Variants in DOCK4 observed in about 807,000 individuals in gnomAD.
The protein encoded by DOCK4 is dedicator of cytokinesis 4.
In DOCK4, 97 loss-of-function variants were observed where a neutral mutation model predicts 268.1. The ratio of observed to expected loss-of-function variants is 0.36; its 90% CI spans 0.31 to 0.43. The LOEUF (loss-of-function observed/expected upper bound fraction) is 0.43. Among genes scored for constraint, DOCK4 ranks in the 20% least tolerant of loss-of-function variants. The pLI, the probability that DOCK4 is intolerant of heterozygous loss-of-function variation, is 1.00. For missense variants in DOCK4, 2,145 were observed against 2,455.7 expected (o/e 0.87, Z 2.67); for synonymous variants, 954 against 887.2 (o/e 1.08, Z -1.34).
At chr7:112,066,884 C>T (rs1807115414) in intron 1 of DOCK4, among the ~76,000 whole-genome samples, 1 of 150,762 alleles carries the variant, frequency 6.6e-6, no homozygotes, top group Admixed American at 6.6e-5. Context: ...GTGGCTCATG[C>T]CTGTAATCCC....
chr7:112,043,512 T>A (rs1406943690), intron 1 of DOCK4, among the ~76,000 whole-genome samples: 1 of 152,034 alleles, frequency 6.6e-6, no homozygotes, highest in Non-Finnish European at 1.5e-5. Flanking sequence ...TAAAAAGACA[T>A]CCATAAAGCT....
intron 1 of DOCK4, among the ~76,000 whole-genome samples, chr7:112,015,463 C>T (rs1801735094): frequency 6.6e-6 from 1 of 152,194 alleles, no homozygotes; most frequent in African/African-American, 2.4e-5. Flanking sequence ...TCTTTTATCT[C>T]TACTTCTCCA....
At chr7:111,731,962 A>C (rs192400279) in intron 52 of DOCK4, among the ~76,000 whole-genome samples, 1 of 152,300 alleles carries the variant, frequency 6.6e-6, no homozygotes, top group Non-Finnish European at 1.5e-5. Context: ...CAGTATATGC[A>C]CTGACTTCAG....
chr7:112,107,425 G>A (rs1811232599), intron 1 of DOCK4, among the ~76,000 whole-genome samples: 1 of 152,130 alleles, frequency 6.6e-6, no homozygotes, highest in Non-Finnish European at 1.5e-5. Flanking sequence ...GGCCATGTGG[G>A]GACACAGAGA....
intron 1 of DOCK4, among the ~76,000 whole-genome samples, chr7:112,083,546 A>C (rs1031485899): frequency 6.6e-6 from 1 of 152,098 alleles, no homozygotes; most frequent in Non-Finnish European, 1.5e-5. Context: ...TTTGGAACAA[A>C]ATGATTAAGG....
At chr7:111,944,916 A>C in intron 9 of DOCK4, 45 bp from the exon 10 acceptor site, 1 of 1,521,590 alleles carries the variant, frequency 6.6e-7, no homozygotes. Flanking sequence ...CATGAGCGGC[A>C]CTTAAAGGGC....
At chr7:112,110,441 G>A (rs1811550215) in intron 1 of DOCK4, among the ~76,000 whole-genome samples, 1 of 152,166 alleles carries the variant, frequency 6.6e-6, no homozygotes, top group Non-Finnish European at 1.5e-5. Flanking sequence ...GACTAGGTAT[G>A]CCAAAAAACC....
chr7:112,042,731 T>G (rs1209351298), intron 1 of DOCK4, among the ~76,000 whole-genome samples: 1 of 152,200 alleles, frequency 6.6e-6, no homozygotes, highest in African/African-American at 2.4e-5. Context: ...GGCAGTGCTA[T>G]GGTTTGAATA....
At chr7:111,981,962 C>A (rs145512149) in intron 7 of DOCK4, among the ~76,000 whole-genome samples, 6 of 152,292 alleles carry the variant, frequency 3.9e-5, no homozygotes, top group African/African-American at 7.2e-5. Flanking sequence ...ACGCACAAAA[C>A]CAAACTCAGG....
At chr7:112,196,477 C>T (rs145916023) in intron 1 of DOCK4, among the ~76,000 whole-genome samples, 1 of 152,270 alleles carries the variant, frequency 6.6e-6, no homozygotes, top group Non-Finnish European at 1.5e-5. Flanking sequence ...TCTATAGACC[C>T]CTTTCCACCC....
chr7:112,157,203 G>C (rs1281233237), intron 1 of DOCK4, among the ~76,000 whole-genome samples: 2 of 152,100 alleles, frequency 1.3e-5, no homozygotes, highest in East Asian at 3.9e-4. Context: ...ACAGTATTGT[G>C]GGAGGACAAC....
chr7:111,782,832 G>C, intron 35 of DOCK4, 32 bp downstream of exon 35: 2 of 1,606,810 alleles, frequency 1.2e-6, no homozygotes, highest in Non-Finnish European at 1.7e-6. Flanking sequence ...AGTATTAGGA[G>C]AAAAGGAGAA....
intron 25 of DOCK4, among the ~76,000 whole-genome samples, chr7:111,842,271 C>T (rs930850474): frequency 2.0e-5 from 3 of 151,596 alleles, no homozygotes; most frequent in African/African-American, 7.3e-5. Flanking sequence ...TTTGGATTTT[C>T]TTTTTTGCCT....
chr7:111,986,539 T>A lies in DOCK4; in HGVS notation c.465-2149A>T, dbSNP rs575679625. On this transcript the variant is annotated intron_variant, in intron 6 of 52. Transcript: ENST00000428084. Reference sequence around the variant, plus strand: ...AAAGAATAAGGAGAAATGAGGCAAGTAGGGAAGAGAGAGGATGAGAGGAGA... The same window carrying A: ...AAAGAATAAGGAGAAATGAGGCAAGAAGGGAAGAGAGAGGATGAGAGGAGA... Among the ~76,000 whole-genome samples, 6 of 152,190 alleles carry A rather than the reference T, an allele frequency of 3.9e-5. No individual in the cohort carries two copies. The East Asian group carries it at 9.7e-4, about 24-fold the overall frequency.
In DOCK4 at chr7:111,951,818, C is replaced by T. The variant is rs562088145; in HGVS notation, c.702-6020G>A. ...GGTCAAGGCTGCAGTGAGCCATGATCGCACCACTGTACTCCAGTGGGGTGT... is the reference window on the plus strand; with the variant it reads ...GGTCAAGGCTGCAGTGAGCCATGATTGCACCACTGTACTCCAGTGGGGTGT... On this transcript the variant is annotated intron_variant, in intron 8 of 52. Coordinates refer to ENST00000428084, the MANE Select transcript of DOCK4 (RefSeq NM_001363540.2). Among the ~76,000 whole-genome samples, 6 of 151,880 alleles carry T rather than the reference C, an allele frequency of 4.0e-5. No individual in the cohort carries two copies. The East Asian group carries it at 1.2e-3, about 29-fold the overall frequency.
At chr7:112,179,526 G>GC (rs1187670864) in intron 1 of DOCK4, among the ~76,000 whole-genome samples, 1 of 145,418 alleles carries the variant, frequency 6.9e-6, no homozygotes, top group African/African-American at 2.5e-5. Flanking sequence ...TTGTTTTTTT[G>GC]TTTTTTTTTT....
chr7:111,911,078 G>A (rs1254813103), intron 13 of DOCK4, among the ~76,000 whole-genome samples: 1 of 152,206 alleles, frequency 6.6e-6, no homozygotes, highest in Non-Finnish European at 1.5e-5. Flanking sequence ...ATTCTGCAGA[G>A]AGGCGGTGAC....
intron 23 of DOCK4, among the ~76,000 whole-genome samples, chr7:111,861,745 CAA>C (rs35987323): frequency 4.4e-5 from 5 of 114,614 alleles, no homozygotes; most frequent in East Asian, 2.5e-4. Flanking sequence ...GACTCAGTCT[CAA>C]AAAAAAAAAA....
intron 1 of DOCK4, among the ~76,000 whole-genome samples, chr7:112,133,877 C>T (rs1045277219): frequency 6.6e-6 from 1 of 152,122 alleles, no homozygotes; most frequent in Non-Finnish European, 1.5e-5. Flanking sequence ...TGAGTTATCT[C>T]ACATTAAGGC....
Sources: gnomAD v4.1 joint callset for allele counts (sites outside exome capture counted in the v4.1 genomes callset) on GRCh38, gnomAD v4.1.1 for gene constraint, MANE v1.5 for transcripts, NCBI Gene and HGNC (gene_info 2026-07-23, HGNC 2026-07-21) for gene names.